Variants in RBPJ observed in about 807,000 individuals in gnomAD.
RBPJ encodes recombination signal binding protein for immunoglobulin kappa J region.
A neutral mutation model predicts 67.8 loss-of-function variants in RBPJ; 9 were observed. The observed-to-expected ratio is 0.13, with a 90% confidence interval of 0.08 to 0.23. The LOEUF (loss-of-function observed/expected upper bound fraction) is 0.23, where lower values mean the gene tolerates loss of function less well. Ranked by LOEUF, RBPJ falls within the 10% of genes least tolerant of loss-of-function variation. The pLI is 1.00. For synonymous variants in RBPJ, 198 were observed against 203.3 expected (o/e 0.97, Z 0.22); for missense variants, 305 against 595.6 (o/e 0.51, Z 5.08).
chr4:26,415,451 T>C, intron 3 of RBPJ, 24 bp from the exon 4 acceptor site: 1 of 1,546,016 alleles, frequency 6.5e-7, no homozygotes, highest in Non-Finnish European at 8.7e-7. Context: ...TTCTTGTTTT[T>C]TTTTTTCCCC....
intron 1 of RBPJ, among the ~76,000 whole-genome samples, chr4:26,331,671 C>G (rs541195589): frequency 2.6e-5 from 4 of 152,206 alleles, no homozygotes; most frequent in Non-Finnish European, 4.4e-5. Flanking sequence ...GTGGCCTCTT[C>G]AGGAACATAG....
intron 1 of RBPJ, among the ~76,000 whole-genome samples, chr4:26,368,647 A>G (rs535598829): frequency 2.4e-4 from 36 of 152,338 alleles, no homozygotes; most frequent in African/African-American, 8.7e-4. Flanking sequence ...CCCCAAACTG[A>G]GATCAGTAGC....
chr4:26,243,763 A>G (rs1381286008), intron 1 of RBPJ, among the ~76,000 whole-genome samples: 1 of 152,172 alleles, frequency 6.6e-6, no homozygotes, highest in East Asian at 1.9e-4. Flanking sequence ...TGTAATATCA[A>G]GAAAGAATAT....
At chr4:26,173,121 G>GTTGGGATT (rs1489435148) in intron 1 of RBPJ, among the ~76,000 whole-genome samples, 4 of 152,072 alleles carry the variant, frequency 2.6e-5, no homozygotes, top group African/African-American at 9.7e-5. Context: ...AGTAGGGTAT[G>GTTGGGATT]TTGGGATTTT....
At chr4:26,204,907 C>T (rs1718116754) in intron 1 of RBPJ, among the ~76,000 whole-genome samples, 1 of 152,130 alleles carries the variant, frequency 6.6e-6, no homozygotes, top group Non-Finnish European at 1.5e-5. Flanking sequence ...TAGTCTCACC[C>T]CCTGCACTCA....
intron 1 of RBPJ, among the ~76,000 whole-genome samples, chr4:26,342,559 C>T (rs575567317): frequency 6.6e-6 from 1 of 152,314 alleles, no homozygotes; most frequent in South Asian, 2.1e-4. Context: ...TTAACTTAGT[C>T]ATCTGACAAC....
At chr4:26,224,388 C>A (rs1016924360) in intron 1 of RBPJ, among the ~76,000 whole-genome samples, 1 of 152,166 alleles carries the variant, frequency 6.6e-6, no homozygotes, top group Non-Finnish European at 1.5e-5. Flanking sequence ...CACCACCATG[C>A]CAAACTAATT....
intron 2 of RBPJ, among the ~76,000 whole-genome samples, chr4:26,393,323 G>A (rs1731731392): frequency 6.6e-6 from 1 of 152,118 alleles, no homozygotes; most frequent in Non-Finnish European, 1.5e-5. Flanking sequence ...CACAAACTTG[G>A]AAATCAGAAA....
intron 1 of RBPJ, among the ~76,000 whole-genome samples, chr4:26,260,385 G>C (rs1238813278): frequency 1.3e-5 from 2 of 152,136 alleles, no homozygotes; most frequent in Non-Finnish European, 2.9e-5. Context: ...TGTAGATTTT[G>C]GCTAGAGTTC....
chr4:26,274,165 CT>C (rs1449989509), intron 1 of RBPJ, among the ~76,000 whole-genome samples: 6 of 152,154 alleles, frequency 3.9e-5, no homozygotes, highest in Admixed American at 2.6e-4. Context: ...GATTTTCTGC[CT>C]ATCTTCTGCC....
chr4:26,320,964 G>A, upstream of RBPJ: 6 of 1,612,704 alleles, frequency 3.7e-6, no homozygotes, highest in Non-Finnish European at 5.1e-6. Flanking sequence ...GCGGGGGAGA[G>A]GGACCAGGGA....
rs562835768 is a variant in RBPJ, at chr4:26,171,959, C to T, written c.-167+8345C>T. Among the ~76,000 whole-genome samples, 20 of 152,268 alleles carry T rather than the reference C, an allele frequency of 1.3e-4. No individual in the cohort carries two copies. The East Asian group carries it at 1.5e-3, about 12-fold the overall frequency. On this transcript the variant is annotated intron_variant, in intron 1 of 4. Coordinates refer to the RBPJ transcript ENST00000512351. ...GCCATGGGCTTTAGGTCTCTGGATC[C>T]GGTAAGTGGGAAATACTGGAGAGCA...
chr4:26,421,306 T>G (rs1487727532), intron 5 of RBPJ, among the ~76,000 whole-genome samples: 2 of 151,926 alleles, frequency 1.3e-5, no homozygotes, highest in African/African-American at 4.8e-5. Context: ...TATGGAGACT[T>G]TTCTTTTTTT....
chr4:26,250,250 C>G (rs1031737698), intron 1 of RBPJ, among the ~76,000 whole-genome samples: 1 of 151,750 alleles, frequency 6.6e-6, no homozygotes, highest in African/African-American at 2.4e-5. Context: ...AACATTTGCC[C>G]TTTTGTCTCT....
rs776376793 is a variant in RBPJ, at chr4:26,208,148, T to C, written c.-167+44534T>C. On this transcript the variant is annotated intron_variant, in intron 1 of 4. Transcript: ENST00000512351. ...GTTTGCTACAATAGTGTTTACTACGTGCTTGGTGCTACTCTAAATGCTCTA... is the reference window on the plus strand; with the variant it reads ...GTTTGCTACAATAGTGTTTACTACGCGCTTGGTGCTACTCTAAATGCTCTA... 9.2e-5 allele frequency among the ~76,000 whole-genome samples: 14 copies of C among 152,368 alleles called. No homozygotes were observed. The South Asian group carries it at 1.2e-3, about 14-fold the overall frequency.
At chr4:26,225,490 G>C (rs186778456) in intron 1 of RBPJ, among the ~76,000 whole-genome samples, 1 of 152,170 alleles carries the variant, frequency 6.6e-6, no homozygotes, top group African/African-American at 2.4e-5. Context: ...GGATTTTCAG[G>C]TGGTGCAGTT....
At chr4:26,128,809 C>T in the RBPJ span, among the ~76,000 whole-genome samples, 6 of 152,182 alleles carry the variant, frequency 3.9e-5, no homozygotes, top group Admixed American at 1.3e-4. Context: ...TGGTTTCCCC[C>T]ATATTGTTCT....
intron 1 of RBPJ, among the ~76,000 whole-genome samples, chr4:26,252,606 A>C (rs904626325): frequency 6.6e-6 from 1 of 152,188 alleles, no homozygotes; most frequent in African/African-American, 2.4e-5. Flanking sequence ...GAGAGAAGAA[A>C]AGCCACATTC....
At chr4:26,320,924 G>A, upstream of RBPJ, 1 of 1,606,758 alleles carries the variant, frequency 6.2e-7, no homozygotes, top group Non-Finnish European at 8.5e-7. Context: ...GGGGCTGGGT[G>A]GAATCGAGGA....
Sources: gnomAD v4.1 joint callset for allele counts (sites outside exome capture counted in the v4.1 genomes callset) on GRCh38, gnomAD v4.1.1 for gene constraint, MANE v1.5 for transcripts, NCBI Gene and HGNC (gene_info 2026-07-23, HGNC 2026-07-21) for gene names.